Variants in PTCHD4 observed in about 807,000 individuals in gnomAD.
PTCHD4 encodes patched domain containing 4.
Under a neutral mutation model 58.1 loss-of-function variants are expected in PTCHD4, and 33 were observed. The observed-to-expected ratio is 0.57, with a 90% CI of 0.43 to 0.76. The LOEUF is 0.76. Ranked by LOEUF, PTCHD4 falls within the 30% of genes least tolerant of loss-of-function variation. PTCHD4 has a pLI of 0.00. For synonymous variants in PTCHD4, 478 were observed against 409.6 expected (o/e 1.17, Z -2.02); for missense variants, 1,058 against 1,027.1 (o/e 1.03, Z -0.41).
chr6:48,003,152 T>C (rs1309796417), intron 4 of PTCHD4, among the ~76,000 whole-genome samples: 1 of 152,200 alleles, frequency 6.6e-6, no homozygotes, highest in African/African-American at 2.4e-5. Context: ...TTTTTTCATT[T>C]ATATTTATCT....
At chr6:47,934,395 C>T (rs760632181) in intron 4 of PTCHD4, among the ~76,000 whole-genome samples, 3 of 151,636 alleles carry the variant, frequency 2.0e-5, no homozygotes, top group African/African-American at 7.3e-5. Flanking sequence ...AGCTGAACTA[C>T]GAAAAAGTCC....
At chr6:48,053,122 T>A (rs2114174142) in intron 3 of PTCHD4, among the ~76,000 whole-genome samples, 1 of 152,190 alleles carries the variant, frequency 6.6e-6, no homozygotes, top group African/African-American at 2.4e-5. Context: ...CTTATATGAA[T>A]GAATGAGAGA....
rs1184158100 is a variant in PTCHD4, at chr6:47,873,001, G to C, written c.*5302C>G. Among the ~76,000 whole-genome samples the C allele has an allele frequency of 1.3e-5, 2 of 151,670 alleles. No homozygotes were observed. Among genetic ancestry groups the C allele is most frequent in the Non-Finnish European group, 3.0e-5 (2 of 67,770 alleles). ...AAGACTCACAAAATATAGTCAATGA[G>C]AGCCACTCTGGGAATGAATGATGCT... is the stretch of plus-strand genomic sequence containing the variant. On this transcript the variant is annotated 3_prime_UTR_variant, in exon 5 of 5. Coordinates refer to ENST00000339488, the MANE Select transcript of PTCHD4 (RefSeq NM_001384253.1).
intron 4 of PTCHD4, chr6:47,901,719 T>C: frequency 1.2e-5 from 14 of 1,175,164 alleles, no homozygotes; most frequent in Non-Finnish European, 1.5e-5. Flanking sequence ...GCTGGGTTCT[T>C]AGACTAGAAT....
chr6:47,892,561 A>G (rs2114128620), intron 4 of PTCHD4, among the ~76,000 whole-genome samples: 1 of 152,360 alleles, frequency 6.6e-6, no homozygotes, highest in South Asian at 2.1e-4. Context: ...TATAAAGAGT[A>G]AAATGGATGC....
In PTCHD4 at chr6:48,079,632, C is replaced by T. The variant is rs2396848; in HGVS notation, c.-969-9706G>A. 2.7e-3 allele frequency among the ~76,000 whole-genome samples: 403 copies of T among 149,928 alleles called. 1 individual carries two copies. The highest frequency in any genetic ancestry group is 4.6e-3 in the Non-Finnish European group (308 of 67,616). ...GAGAGAGTGTTCTAATCTAGTAGGG[C>T]GGAGTGTTTGACCCCTGACATTGTT... is the stretch of plus-strand genomic sequence containing the variant. On this transcript the variant is annotated intron_variant, in intron 1 of 4. Transcript: ENST00000339488.
intron 4 of PTCHD4, among the ~76,000 whole-genome samples, chr6:47,997,443 C>A (rs1204336980): frequency 6.6e-6 from 1 of 152,026 alleles, no homozygotes; most frequent in African/African-American, 2.4e-5. Context: ...TACTTTATAT[C>A]ATTAAATAGA....
At chr6:48,020,645 GA>G (rs1172294759) in intron 3 of PTCHD4, among the ~76,000 whole-genome samples, 1 of 152,042 alleles carries the variant, frequency 6.6e-6, no homozygotes, top group Non-Finnish European at 1.5e-5. Context: ...TTTCTTTGAA[GA>G]GTTTATATTT....
intron 4 of PTCHD4, among the ~76,000 whole-genome samples, chr6:48,007,047 T>C (rs1177209691): frequency 2.6e-5 from 4 of 152,182 alleles, no homozygotes; most frequent in Non-Finnish European, 4.4e-5. Flanking sequence ...GAGATCAGCC[T>C]GGCCAACACG....
rs781519067 is a variant in PTCHD4, at chr6:47,879,774, G to T, written c.1061C>A (p.Pro354Gln). 6.2e-7 allele frequency: 1 copy of T among 1,613,646 alleles called. No homozygotes were observed. Among genetic ancestry groups the T allele is most frequent in the African/African-American group, 1.3e-5 (1 of 74,988 alleles). The change falls in exon 5 of 5, where the codon CCA becomes CAA. Residue 354 changes from proline (P) to glutamine (Q), a missense_variant. By Grantham distance (76) the Pro-to-Gln change is moderately conservative (BLOSUM62 -1). Coordinates refer to ENST00000339488, the MANE Select transcript of PTCHD4 (RefSeq NM_001384253.1). The stretch of plus-strand genomic sequence containing the variant: ...CTTCACAGCCTCTATGTTTGTGAAT[G>T]GGCTGGCACCCATGCCAAAAGTGAT... The part of the protein sequence containing the change: ...YFITFGMGAS[P>Q]FTNIEAVKVF...
Position 47,862,119 on chromosome 6 carries a change from C to T in PTCHD4, c.*16184G>A, listed in dbSNP as rs1763444045. Among the ~76,000 whole-genome samples, 1 of 151,882 alleles carries T rather than the reference C, an allele frequency of 6.6e-6. No homozygotes were observed. The highest frequency in any genetic ancestry group is 1.5e-5 in the Non-Finnish European group (1 of 67,872). ...TATTTGACTTACATATTGTGTGTAA[C>T]TCTGATTGGAGTTTCAGCACTTCTT... On this transcript the variant is annotated 3_prime_UTR_variant, in exon 5 of 5. Transcript: ENST00000339488.
intron 4 of PTCHD4, among the ~76,000 whole-genome samples, chr6:47,961,956 A>G (rs914863686): frequency 6.6e-6 from 1 of 152,150 alleles, no homozygotes; most frequent in Admixed American, 6.5e-5. Context: ...AAAAGAATGC[A>G]GAAGCATCAT....
At chr6:48,086,656 A>T in intron 1 of PTCHD4, among the ~76,000 whole-genome samples, 1 of 152,174 alleles carries the variant, frequency 6.6e-6, no homozygotes, top group East Asian at 1.9e-4. Context: ...AGTAGGAGAC[A>T]GTAGAATGAT....
chr6:47,880,443 T>G (rs1763986555), intron 4 of PTCHD4, among the ~76,000 whole-genome samples: 1 of 152,152 alleles, frequency 6.6e-6, no homozygotes, highest in African/African-American at 2.4e-5. Context: ...CTAAACTGAT[T>G]TTATAATGTT....
chr6:48,025,682 C>T (rs1015884321), intron 3 of PTCHD4, among the ~76,000 whole-genome samples: 3 of 152,116 alleles, frequency 2.0e-5, no homozygotes, highest in African/African-American at 7.2e-5. Context: ...AAGCAATAGC[C>T]CTGTAATTTG....
In PTCHD4 at chr6:47,876,251, T is replaced by C. The variant is rs893980084; in HGVS notation, c.*2052A>G. Among the ~76,000 whole-genome samples the C allele has an allele frequency of 1.3e-4, 19 of 151,868 alleles. No homozygotes were observed. Among genetic ancestry groups the C allele is most frequent in the African/African-American group, 4.4e-4 (18 of 41,376 alleles). On this transcript the variant is annotated 3_prime_UTR_variant, in exon 5 of 5. Transcript: ENST00000339488. ...ATTTGTGACATGACTTTACAAATAATGTAAAAACAATAACCCTATGATTAT... is the reference window on the plus strand; with the variant it reads ...ATTTGTGACATGACTTTACAAATAACGTAAAAACAATAACCCTATGATTAT...
At chr6:47,951,855 GA>G (rs910300502) in intron 4 of PTCHD4, among the ~76,000 whole-genome samples, 2 of 148,222 alleles carry the variant, frequency 1.3e-5, no homozygotes, top group Admixed American at 6.7e-5. Context: ...AGATAGAAAA[GA>G]AAAAAAAAGC....
chr6:48,107,880 A>G (rs375562674), intron 1 of PTCHD4, among the ~76,000 whole-genome samples: 1 of 152,210 alleles, frequency 6.6e-6, no homozygotes, highest in Non-Finnish European at 1.5e-5. Context: ...TCAGAGAAAT[A>G]CAAATCAAAA....
chr6:48,069,324 A>T lies in PTCHD4; in HGVS notation c.-367T>A, dbSNP rs1185001151. Among the ~76,000 whole-genome samples the T allele has an allele frequency of 6.6e-6, 1 of 152,078 alleles. No individual in the cohort carries two copies. Among genetic ancestry groups the T allele is most frequent in the East Asian group, 1.9e-4 (1 of 5,184 alleles). ...TAAATGGTGAAGGTGCTGCTGGCCC[A>T]TTGGAGCAAGGGCAATTAGAGCCCA... On this transcript the variant is annotated 5_prime_UTR_variant, in exon 2 of 5. It removes an upstream start codon present in the reference 5' UTR. Coordinates refer to ENST00000339488, the MANE Select transcript of PTCHD4 (RefSeq NM_001384253.1).
Sources: gnomAD v4.1 joint callset for allele counts (sites outside exome capture counted in the v4.1 genomes callset) on GRCh38, gnomAD v4.1.1 for gene constraint, MANE v1.5 for transcripts, NCBI Gene and HGNC (gene_info 2026-07-23, HGNC 2026-07-21) for gene names.